USP34: variants seen among roughly 807,000 people sequenced by gnomAD.
The protein encoded by USP34 is ubiquitin specific peptidase 34, also known as ubiquitin carboxyl-terminal hydrolase 34.
A neutral mutation model predicts 460.3 loss-of-function variants in USP34; 70 were observed. The ratio of observed to expected loss-of-function variants is 0.15; its 90% confidence interval spans 0.13 to 0.19. USP34 has a LOEUF of 0.19. Among genes scored for constraint, USP34 ranks in the 10% least tolerant of loss-of-function variants. The pLI, the probability that USP34 is intolerant of heterozygous loss-of-function variation, is 1.00. For synonymous variants in USP34, 1,647 were observed against 1,405.3 expected (o/e 1.17, Z -3.85); for missense variants, 3,985 against 4,236.2 (o/e 0.94, Z 1.65).
chr2:61,394,501 C>T (rs1299948383), intron 5 of USP34, among the ~76,000 whole-genome samples: 3 of 127,098 alleles, frequency 2.4e-5, no homozygotes, highest in African/African-American at 9.2e-5. Flanking sequence ...GTAGAAGCTA[C>T]AGCCTAAACA....
intron 29 of USP34, among the ~76,000 whole-genome samples, chr2:61,299,863 A>T (rs1418968561): frequency 6.6e-6 from 1 of 152,206 alleles, no homozygotes; most frequent in African/African-American, 2.4e-5. Flanking sequence ...TATCCAAGTG[A>T]TTACCTGACA....
chr2:61,371,429 G>A (rs1321079579), intron 8 of USP34, among the ~76,000 whole-genome samples: 1 of 136,574 alleles, frequency 7.3e-6, no homozygotes, highest in Admixed American at 7.9e-5. Context: ...AGCTCCATGT[G>A]TATTATTAAA....
chr2:61,383,477 G>A, intron 5 of USP34, 141 bp from the exon 6 acceptor site: 1 of 502,608 alleles, frequency 2.0e-6, no homozygotes, highest in Non-Finnish European at 3.5e-6. Flanking sequence ...GGCTGAGGTG[G>A]GCAGATCCGA....
At chr2:61,224,422 T>C (rs772802930) in intron 62 of USP34, among the ~76,000 whole-genome samples, 4 of 152,356 alleles carry the variant, frequency 2.6e-5, no homozygotes, top group East Asian at 1.9e-4. Flanking sequence ...CAGTATCTTG[T>C]AGAAGGCACA....
Position 61,295,178 on chromosome 2 carries a change from C to T in USP34, c.4367G>A (p.Arg1456Lys). The change falls in exon 31 of 80, where the codon AGG (arginine) becomes AAG (lysine). Residue 1456 changes from arginine to lysine, a missense_variant. Arg to Lys is a conservative substitution (Grantham distance 26). Transcript: ENST00000398571. ...ALGKPNRRIR[R>K]ESTGSYSDLY... is the part of the protein sequence containing the mutation. ...TGGAAATGCAATTACCGTAGACTCCCTCCTTATTCTTCTATTAGGTTTTCC... is the reference window on the plus strand; with the variant it reads ...TGGAAATGCAATTACCGTAGACTCCTTCCTTATTCTTCTATTAGGTTTTCC... 1.2e-6 allele frequency: 2 copies of T among 1,610,158 alleles called. No individual in the cohort carries two copies. Among genetic ancestry groups the T allele is most frequent in the Non-Finnish European group, 1.7e-6 (2 of 1,178,922 alleles).
intron 21 of USP34, among the ~76,000 whole-genome samples, chr2:61,323,049 A>G (rs1690974338): frequency 6.6e-6 from 1 of 152,196 alleles, no homozygotes; most frequent in Non-Finnish European, 1.5e-5. Flanking sequence ...ACTTTGAAGT[A>G]ACTTCGTTAT....
chr2:61,196,153 T>G (rs2103749182), intron 75 of USP34, among the ~76,000 whole-genome samples: 1 of 140,894 alleles, frequency 7.1e-6, no homozygotes, highest in Non-Finnish European at 1.5e-5. Context: ...CGATCTCGGC[T>G]CACTGCAGCC....
intron 3 of USP34, among the ~76,000 whole-genome samples, chr2:61,401,376 T>G (rs930347075): frequency 6.6e-6 from 1 of 151,696 alleles, no homozygotes; most frequent in Non-Finnish European, 1.5e-5. Flanking sequence ...TAGCTGGGAC[T>G]ACAGGCGTGC....
At chr2:61,424,753 T>A (rs775594786) in intron 1 of USP34, among the ~76,000 whole-genome samples, 4 of 151,616 alleles carry the variant, frequency 2.6e-5, no homozygotes, top group Non-Finnish European at 5.9e-5. Context: ...TGTTCTATAT[T>A]TTTTTTTACC....
intron 71 of USP34, among the ~76,000 whole-genome samples, chr2:61,206,325 G>A (rs1687116085): frequency 1.3e-5 from 2 of 152,146 alleles, no homozygotes; most frequent in Admixed American, 1.3e-4. Context: ...ATATTTCATT[G>A]ATAATATGTC....
intron 8 of USP34, among the ~76,000 whole-genome samples, chr2:61,372,564 C>T (rs993792355): frequency 6.6e-6 from 1 of 152,024 alleles, no homozygotes; most frequent in Non-Finnish European, 1.5e-5. Flanking sequence ...AGCCTGTTTC[C>T]GCCAGGCATG....
At chr2:61,304,259 T>C (rs1690332253) in intron 27 of USP34, among the ~76,000 whole-genome samples, 1 of 152,180 alleles carries the variant, frequency 6.6e-6, no homozygotes, top group African/African-American at 2.4e-5. Context: ...ATGATTGATA[T>C]TTGCAATATT....
chr2:61,208,572 C>CT (rs2103779930), intron 70 of USP34: 1 of 160,138 alleles, frequency 6.2e-6, no homozygotes, highest in South Asian at 2.0e-4. Flanking sequence ...AATAAGTAGG[C>CT]TTTTGGGAAA....
chr2:61,213,977 C>G lies in USP34; in HGVS notation c.8682+83G>C. ...AAGAATGGTGAGACTATTCTATATT[C>G]TGCCACCACTTCCCACCAGGGGAAA... is the stretch of plus-strand genomic sequence containing the variant. On this transcript the variant is annotated intron_variant, in intron 68 of 79. Transcript: ENST00000398571. The G allele has an allele frequency of 5.3e-6, 8 of 1,515,060 alleles. No individual in the cohort carries two copies. The South Asian group carries it at 1.0e-4, about 19-fold the overall frequency. The allele number at this position is 1,515,060 out of a possible 1,614,324, so 93.9% of individuals were successfully genotyped here. A position where few individuals can be genotyped will look rare whatever the true frequency, so the allele number is the denominator to read the frequency against.
rs1441440728 is a variant in USP34 at position 61,457,672 on chromosome 2, G to A, written c.43+12978C>T. ...GAGGCCAGAAGTTCAAGAGCAGCTT[G>A]GGAAATATAGTGAAACCCATTCCCA... On this transcript the variant is annotated intron_variant, in intron 1 of 79. Transcript: ENST00000398571. Among the ~76,000 whole-genome samples the A allele has an allele frequency of 2.0e-5, 3 of 152,240 alleles. No individual in the cohort carries two copies. In the East Asian group the frequency reaches 5.8e-4, roughly 29 times the overall value.
chr2:61,458,563 A>AG (rs1695504732), intron 1 of USP34, among the ~76,000 whole-genome samples: 1 of 149,658 alleles, frequency 6.7e-6, no homozygotes. Flanking sequence ...CTGTCTCAGA[A>AG]AAAAAAAAAA....
chr2:61,470,893 G>A lies in USP34; in HGVS notation c.-201C>T, dbSNP rs1158566635. 4.9e-4 allele frequency: 131 copies of A among 266,682 alleles called. 1 individual carries two copies. Among genetic ancestry groups the A allele is most frequent in the African/African-American group, 2.3e-3 (97 of 41,484 alleles). 16.5% of individuals were successfully genotyped at this position (266,682 alleles called of 1,614,324 possible). A position where few individuals can be genotyped will look rare whatever the true frequency, so the allele number is the denominator to read the frequency against. On this transcript the variant is annotated 5_prime_UTR_variant, in exon 1 of 80. Coordinates refer to ENST00000398571, the MANE Select transcript of USP34 (RefSeq NM_014709.4). ...GGCGGTCCCCGCAGCGGGAGGGGGA[G>A]AGGAGGGGAGCGAGGGGAGGTGCGC...
intron 57 of USP34, among the ~76,000 whole-genome samples, chr2:61,234,847 G>A (rs1688017029): frequency 6.6e-6 from 1 of 152,038 alleles, no homozygotes; most frequent in East Asian, 1.9e-4. Context: ...TGTGGGCCGG[G>A]CTGGTCTTGA....
intron 51 of USP34, 46 bp from the exon 52 acceptor site, chr2:61,241,865 AC>A (rs1249684592): frequency 1.0e-6 from 1 of 976,036 alleles, no homozygotes; most frequent in Non-Finnish European, 1.5e-6. Flanking sequence ...AAATGGGTAT[AC>A]TCAGCTATAT....
Sources: gnomAD v4.1 joint callset for allele counts (sites outside exome capture counted in the v4.1 genomes callset) on GRCh38, gnomAD v4.1.1 for gene constraint, MANE v1.5 for transcripts, NCBI Gene and HGNC (gene_info 2026-07-23, HGNC 2026-07-21) for gene names.